The following PKNOX2 variants were observed in gnomAD, a reference collection of about 807,000 sequenced individuals.
The protein encoded by PKNOX2 is homeobox protein PKNOX2.
In PKNOX2, 14 loss-of-function variants were observed where a neutral mutation model predicts 53.1. The observed-to-expected ratio is 0.26, with a 90% confidence interval of 0.17 to 0.41. PKNOX2 has a LOEUF of 0.41. Among genes scored for constraint, PKNOX2 ranks in the 10% least tolerant of loss-of-function variants. PKNOX2 has a pLI of 1.00. For missense variants in PKNOX2, 496 were observed against 602.8 expected, an observed-to-expected ratio of 0.82 and a Z score of 1.85; for synonymous variants, 257 against 242.8, an observed-to-expected ratio of 1.06 and a Z score of -0.54.
chr11:125,379,055 C>CTTTTTTTTTTTTTTTTTTTTT (rs35310311), intron 5 of PKNOX2, among the ~76,000 whole-genome samples: 1 of 124,442 alleles, frequency 8.0e-6, no homozygotes. Flanking sequence ...TTTTCTTTCT[C>CTTTTTTTTTTTTTTTTTTTTT]TTTTTTTTTT....
chr11:125,429,124 C>T, intron 11 of PKNOX2, 36 bp downstream of exon 11: 1 of 1,543,512 alleles, frequency 6.5e-7, no homozygotes, highest in Non-Finnish European at 9.0e-7. Flanking sequence ...GCTCCCAGAT[C>T]CAGGGGCCAC....
rs1465513019 is a variant in PKNOX2, at chr11:125,367,931, G to A, written c.173G>A (p.Ser58Asn). The A allele has an allele frequency of 6.2e-7, 1 of 1,613,386 alleles. No individual in the cohort carries two copies. Among genetic ancestry groups the A allele is most frequent in the Non-Finnish European group, 8.5e-7 (1 of 1,179,712 alleles). ...GCTGCTGCCAGCACACCTGTGCCCAGTGCCCCCATCGACCCCCAGGCCCAG... is the reference window on the plus strand; with the variant it reads ...GCTGCTGCCAGCACACCTGTGCCCAATGCCCCCATCGACCCCCAGGCCCAG... The part of the protein sequence containing the change: ...PSAAASTPVP[S>N]APIDPQAQLE... Residue 58 changes from serine to asparagine, a missense_variant, in exon 5 of 13, where the codon AGT becomes AAT. Coordinates refer to ENST00000298282, the MANE Select transcript of PKNOX2 (RefSeq NM_001382323.2).
chr11:125,203,559 G>T (rs1366305301), intron 1 of PKNOX2, among the ~76,000 whole-genome samples: 1 of 152,224 alleles, frequency 6.6e-6, no homozygotes, highest in East Asian at 1.9e-4. Flanking sequence ...GGACAGGACT[G>T]CAAGGCCTCA....
intron 10 of PKNOX2, among the ~76,000 whole-genome samples, chr11:125,424,696 A>T (rs573286116): frequency 6.6e-6 from 1 of 152,184 alleles, no homozygotes; most frequent in Non-Finnish European, 1.5e-5. Flanking sequence ...GCGGCTTCCC[A>T]TCTGCTGTGT....
At chr11:125,173,776 T>G (rs1469527095) in intron 1 of PKNOX2, among the ~76,000 whole-genome samples, 1 of 152,166 alleles carries the variant, frequency 6.6e-6, no homozygotes, top group Non-Finnish European at 1.5e-5. Flanking sequence ...GCTGGACCCC[T>G]GGGTGGAAAG....
intron 3 of PKNOX2, among the ~76,000 whole-genome samples, chr11:125,342,536 C>G (rs1185054253): frequency 6.6e-6 from 1 of 152,194 alleles, no homozygotes; most frequent in Non-Finnish European, 1.5e-5. Flanking sequence ...CTGCGCTTTT[C>G]CACCTGGGAT....
Position 125,422,606 on chromosome 11 carries a change from G to A in PKNOX2, c.937-6406G>A, listed in dbSNP as rs140763175. On this transcript the variant is annotated intron_variant, in intron 10 of 12. Transcript: ENST00000298282. This position sits in a 1 kb window ranked among gnomAD's most constrained non-coding sequence, Gnocchi z 4.1. ...ACTGAGCCTTGTCGACAACAGGCAA[G>A]TCAGCTGCAGGGTTGCATGGAGGCG... Among the ~76,000 whole-genome samples the A allele has an allele frequency of 3.9e-5, 6 of 152,324 alleles. No individual in the cohort carries two copies. The East Asian group carries it at 1.2e-3, about 29-fold the overall frequency.
At chr11:125,392,525 A>G (rs1954112459) in intron 6 of PKNOX2, among the ~76,000 whole-genome samples, 1 of 152,254 alleles carries the variant, frequency 6.6e-6, no homozygotes, top group African/African-American at 2.4e-5. Context: ...GTAATCCTTC[A>G]GCTGCACTTT....
chr11:125,246,649 C>T (rs1304751888), intron 2 of PKNOX2, among the ~76,000 whole-genome samples: 1 of 152,148 alleles, frequency 6.6e-6, no homozygotes, highest in Non-Finnish European at 1.5e-5. Flanking sequence ...CTTAGTTTCT[C>T]CATCTATTAA....
intron 6 of PKNOX2, among the ~76,000 whole-genome samples, chr11:125,389,021 C>A (rs1490984776): frequency 6.6e-6 from 1 of 152,168 alleles, no homozygotes; most frequent in Admixed American, 6.5e-5. Context: ...ATGGCGAAAC[C>A]TCGTCTCTAC....
intron 1 of PKNOX2, among the ~76,000 whole-genome samples, chr11:125,231,710 G>T (rs926109803): frequency 1.3e-5 from 2 of 151,750 alleles, no homozygotes; most frequent in African/African-American, 4.9e-5. Context: ...TACACACACA[G>T]GTGTGTGTGG....
chr11:125,229,735 G>T (rs986742371), intron 1 of PKNOX2, among the ~76,000 whole-genome samples: 6 of 152,138 alleles, frequency 3.9e-5, no homozygotes, highest in Admixed American at 3.3e-4. Context: ...GTAAGTCTTG[G>T]GTCTTGGTGT....
intron 1 of PKNOX2, among the ~76,000 whole-genome samples, chr11:125,197,024 C>T (rs1937789955): frequency 6.6e-6 from 1 of 152,222 alleles, no homozygotes; most frequent in African/African-American, 2.4e-5. Flanking sequence ...AATGAACTCA[C>T]ATCAGAAAGT....
At chr11:125,261,959 CACAG>C (rs1420574374) in intron 2 of PKNOX2, among the ~76,000 whole-genome samples, 1 of 152,204 alleles carries the variant, frequency 6.6e-6, no homozygotes, top group African/African-American at 2.4e-5. Context: ...GCCAAGGCTT[CACAG>C]ACAGAGCAAC....
chr11:125,330,919 A>G (rs1236950802), intron 2 of PKNOX2, among the ~76,000 whole-genome samples: 1 of 152,196 alleles, frequency 6.6e-6, no homozygotes, highest in Non-Finnish European at 1.5e-5. Context: ...GATGTTAAAG[A>G]TGCATTTACC....
In PKNOX2 at chr11:125,369,074, A is replaced by G. The variant is rs573708737; in HGVS notation, c.227+1089A>G. 1.2e-4 allele frequency among the ~76,000 whole-genome samples: 18 copies of G among 152,318 alleles called. No homozygotes were observed. In the South Asian group the frequency reaches 1.9e-3, roughly 16 times the overall value. ...TTCTGAATCCTTCCCCACCACCCCAATGACGGTGCCTTTATGGTAATGGTG... is the reference window on the plus strand; with the variant it reads ...TTCTGAATCCTTCCCCACCACCCCAGTGACGGTGCCTTTATGGTAATGGTG... On this transcript the variant is annotated intron_variant, in intron 5 of 12. Coordinates refer to ENST00000298282, the MANE Select transcript of PKNOX2 (RefSeq NM_001382323.2).
At chr11:125,174,868 C>A (rs527370527) in intron 1 of PKNOX2, among the ~76,000 whole-genome samples, 4 of 152,158 alleles carry the variant, frequency 2.6e-5, no homozygotes, top group African/African-American at 7.2e-5. Context: ...CTCTGCCCCC[C>A]ACCCACCGGC....
At chr11:125,188,990 C>T (rs561992732) in intron 1 of PKNOX2, among the ~76,000 whole-genome samples, 5 of 151,894 alleles carry the variant, frequency 3.3e-5, no homozygotes, top group Non-Finnish European at 7.4e-5. Context: ...GACAGGACAC[C>T]GCAGGAGTTG....
intron 2 of PKNOX2, among the ~76,000 whole-genome samples, chr11:125,331,120 C>A (rs753164785): frequency 1.3e-5 from 2 of 152,096 alleles, no homozygotes; most frequent in African/African-American, 2.4e-5. Flanking sequence ...TCCGGCCAGA[C>A]CTTATGGCCG....
Sources: allele counts gnomAD v4.1 joint callset (sites outside exome capture counted in the v4.1 genomes callset), GRCh38; gene constraint gnomAD v4.1.1; non-coding constraint Gnocchi (gnomAD v3.1); transcripts MANE v1.5; gene names NCBI Gene and HGNC (gene_info 2026-07-23, HGNC 2026-07-21).